Variants in PALLD observed in about 807,000 individuals in gnomAD.
PALLD encodes palladin, cytoskeletal associated protein.
In PALLD, 61 loss-of-function variants were observed where a neutral mutation model predicts 123.5. The observed-to-expected ratio is 0.49, with a 90% CI of 0.40 to 0.61. The LOEUF (loss-of-function observed/expected upper bound fraction) is 0.61. Ranked by LOEUF, PALLD falls within the 20% of genes least tolerant of loss-of-function variation. The probability of loss-of-function intolerance (pLI) is 0.00; values close to 1 mark genes in which losing one functional copy is unlikely to be tolerated. For synonymous variants in PALLD, 465 were observed against 496.4 expected (o/e 0.94, Z 0.84); for missense variants, 1,273 against 1,377.0 (o/e 0.92, Z 1.20).
At chr4:168,621,520 T>C (rs1774760465) in intron 2 of PALLD, among the ~76,000 whole-genome samples, 1 of 152,224 alleles carries the variant, frequency 6.6e-6, no homozygotes, top group African/African-American at 2.4e-5. Flanking sequence ...CCAGTCTTGA[T>C]AGTTAATCCT....
intron 10 of PALLD, among the ~76,000 whole-genome samples, chr4:168,734,213 TC>T (rs1787497943): frequency 6.6e-6 from 1 of 152,118 alleles, no homozygotes; most frequent in Admixed American, 6.5e-5. Flanking sequence ...CTCATTTGTT[TC>T]CCAAAAAAAT....
intron 10 of PALLD, among the ~76,000 whole-genome samples, chr4:168,819,317 C>T (rs1405572801): frequency 7.1e-6 from 1 of 140,412 alleles, no homozygotes; most frequent in African/African-American, 2.7e-5. Flanking sequence ...TGCAGAGGCT[C>T]CGAGACCATT....
intron 10 of PALLD, among the ~76,000 whole-genome samples, chr4:168,846,916 A>C (rs2150956458): frequency 6.6e-6 from 1 of 152,326 alleles, no homozygotes. Flanking sequence ...AAAAAATGTT[A>C]ATTTGACAAT....
At position 168,676,609 on chromosome 4, in the gene PALLD, G is replaced by A. The variant is rs188248487; in HGVS notation, c.1088-4723G>A. Among the ~76,000 whole-genome samples, 30 of 150,408 alleles carry A rather than the reference G, an allele frequency of 2.0e-4. No individual in the cohort carries two copies. The East Asian group carries it at 3.7e-3, about 19-fold the overall frequency. ...AAAAATTTTTTTTTTGAAAAGTCTC[G>A]CTCTGTCGCTCTGTTGCCCAGGATG... On this transcript the variant is annotated intron_variant, in intron 3 of 21. Transcript: ENST00000505667.
intron 10 of PALLD, among the ~76,000 whole-genome samples, chr4:168,730,329 A>G (rs998963158): frequency 2.0e-5 from 3 of 151,722 alleles, no homozygotes; most frequent in African/African-American, 7.3e-5. Flanking sequence ...ATATTCTTTC[A>G]TGGCATTCTG....
intron 2 of PALLD, among the ~76,000 whole-genome samples, chr4:168,651,756 C>G (rs1228928785): frequency 6.6e-6 from 1 of 151,962 alleles, no homozygotes; most frequent in Non-Finnish European, 1.5e-5. Flanking sequence ...TACTCCTCCT[C>G]CTCAGTGACA....
At position 168,921,574 on chromosome 4, in the gene PALLD, A is replaced by C. The variant is rs750112132; in HGVS notation, c.2891A>C (p.Asp964Ala). ...LPTPDLSWQL[D>A]GKPVRPDSAH... Reference sequence around the variant, plus strand: ...ACCCCAGATCTAAGCTGGCAACTAGATGGAAAGCCCGTACGCCCTGACAGT... The same window carrying C: ...ACCCCAGATCTAAGCTGGCAACTAGCTGGAAAGCCCGTACGCCCTGACAGT... Residue 964 changes from aspartate to alanine, a missense_variant, in exon 18 of 22, where the codon GAT becomes GCT. Around this residue, in one of 2 missense-constraint regions of PALLD, gnomAD observed 329 missense variants for 422.5 expected, o/e 0.78. Transcript: ENST00000505667. 8.1e-6 allele frequency: 13 copies of C among 1,609,124 alleles called. No homozygotes were observed. The highest frequency in any genetic ancestry group is 1.1e-5 in the Non-Finnish European group (13 of 1,179,046).
chr4:168,792,336 TAGG>T (rs1737648320), intron 10 of PALLD, among the ~76,000 whole-genome samples: 1 of 150,620 alleles, frequency 6.6e-6, no homozygotes, highest in Non-Finnish European at 1.5e-5. Flanking sequence ...TAAAAAAAAA[TAGG>T]AGAGTAATTT....
chr4:168,842,520 T>C (rs1561588832), intron 10 of PALLD, among the ~76,000 whole-genome samples: 1 of 152,226 alleles, frequency 6.6e-6, no homozygotes, highest in Non-Finnish European at 1.5e-5. Flanking sequence ...TCTTTTATTT[T>C]CTTAACTGGC....
intron 10 of PALLD, among the ~76,000 whole-genome samples, chr4:168,726,305 G>A (rs116325044): frequency 0.016 from 2,430 of 152,224 alleles, 37 homozygotes; most frequent in Non-Finnish European, 0.027. Context: ...GTTGATTTAC[G>A]CTGAGGACCC....
intron 8 of PALLD, among the ~76,000 whole-genome samples, chr4:168,692,757 T>C (rs777792254): frequency 1.3e-5 from 2 of 152,234 alleles, no homozygotes; most frequent in Non-Finnish European, 2.9e-5. Flanking sequence ...ATGTTACTGC[T>C]AGCATGAAAT....
intron 8 of PALLD, among the ~76,000 whole-genome samples, chr4:168,706,035 A>G (rs912586853): frequency 8.5e-5 from 13 of 152,168 alleles, no homozygotes; most frequent in Admixed American, 5.9e-4. Flanking sequence ...CATGAAATCT[A>G]CCTTCTTAAA....
At chr4:168,782,248 A>G (rs925971151) in intron 10 of PALLD, among the ~76,000 whole-genome samples, 4 of 152,248 alleles carry the variant, frequency 2.6e-5, no homozygotes, top group Admixed American at 1.3e-4. Flanking sequence ...TCTGTTAGCC[A>G]ACTCTTTTTG....
intron 2 of PALLD, among the ~76,000 whole-genome samples, chr4:168,636,055 C>A (rs1350047797): frequency 6.6e-6 from 1 of 152,144 alleles, no homozygotes; most frequent in Non-Finnish European, 1.5e-5. Flanking sequence ...ATGTGATCAT[C>A]AGAACCACAT....
chr4:168,761,487 GTC>G (rs1188494102), intron 10 of PALLD, among the ~76,000 whole-genome samples: 4 of 152,044 alleles, frequency 2.6e-5, no homozygotes, highest in East Asian at 1.9e-4. Flanking sequence ...TCTGAGACGA[GTC>G]TCTCTCCGTC....
chr4:168,645,528 T>A (rs1203451169), intron 2 of PALLD, among the ~76,000 whole-genome samples: 1 of 152,172 alleles, frequency 6.6e-6, no homozygotes, highest in Non-Finnish European at 1.5e-5. Flanking sequence ...GCTCCACCAT[T>A]TCCTGTGTGA....
At chr4:168,784,706 G>A (rs1319789628) in intron 10 of PALLD, among the ~76,000 whole-genome samples, 3 of 152,184 alleles carry the variant, frequency 2.0e-5, no homozygotes, top group Non-Finnish European at 4.4e-5. Context: ...TGGGGTAGGC[G>A]GAAAAGTGGA....
chr4:168,713,669 G>A (rs1785053341), intron 10 of PALLD, among the ~76,000 whole-genome samples: 1 of 151,964 alleles, frequency 6.6e-6, no homozygotes, highest in Admixed American at 6.6e-5. Context: ...AAACAACTTC[G>A]CGTTCATTAA....
chr4:168,511,254 A>C (rs549431500), intron 1 of PALLD, among the ~76,000 whole-genome samples, 169 bp from the exon 2 acceptor site: 1 of 152,372 alleles, frequency 6.6e-6, no homozygotes, highest in East Asian at 1.9e-4. Context: ...ATGTATTAAA[A>C]TCATAAAATG....
Sources: gnomAD v4.1 joint callset for allele counts (sites outside exome capture counted in the v4.1 genomes callset) on GRCh38, gnomAD v4.1.1 for gene constraint, gnomAD v4.1.1 regional missense constraint, MANE v1.5 for transcripts, NCBI Gene and HGNC (gene_info 2026-07-23, HGNC 2026-07-21) for gene names.